MAP3K5: variants seen among roughly 807,000 people sequenced by gnomAD.
MAP3K5 encodes mitogen-activated protein kinase kinase kinase 5, also known as ASK-1.
A neutral mutation model predicts 158.7 loss-of-function variants in MAP3K5; 56 were observed. The ratio of observed to expected loss-of-function variants is 0.35; its 90% CI spans 0.28 to 0.44. The LOEUF (loss-of-function observed/expected upper bound fraction) is 0.44. MAP3K5 is among the 20% of genes least tolerant of loss of function. The pLI, the probability that MAP3K5 is intolerant of heterozygous loss-of-function variation, is 1.00. For synonymous variants in MAP3K5, 579 were observed against 601.7 expected, an observed-to-expected ratio of 0.96 and a Z score of 0.55; for missense variants, 1,294 against 1,674.8, an observed-to-expected ratio of 0.77 and a Z score of 3.97.
At chr6:136,605,410 A>G (rs774111020) in intron 18 of MAP3K5, 44 bp from the exon 19 acceptor site, 1 of 1,536,326 alleles carries the variant, frequency 6.5e-7, no homozygotes, top group Non-Finnish European at 8.8e-7. Context: ...AAGATAAAAC[A>G]GAAGGGTATC....
At chr6:136,756,518 G>A (rs551173418) in intron 1 of MAP3K5, among the ~76,000 whole-genome samples, 6 of 152,176 alleles carry the variant, frequency 3.9e-5, no homozygotes, top group South Asian at 4.1e-4. Flanking sequence ...GCGCAATCTC[G>A]GCTCACTGCA....
intron 18 of MAP3K5, among the ~76,000 whole-genome samples, chr6:136,607,517 T>G (rs1776153485): frequency 4.6e-5 from 7 of 152,230 alleles, no homozygotes; most frequent in Admixed American, 4.6e-4. Flanking sequence ...CGAAGCTGGA[T>G]AATGAAGATG....
Position 136,772,098 on chromosome 6 carries a change from TGG to T in MAP3K5, c.448+19610_448+19611del, listed in dbSNP as rs376876887. ...TAATTTTTGTATTTTTTAGTAGAAA[TGG>T]GGGGGGGGGGTTTACCATGTTGGCC... On this transcript the variant is annotated intron_variant, in intron 1 of 29. Coordinates refer to ENST00000359015, the MANE Select transcript of MAP3K5 (RefSeq NM_005923.4). 6.1e-3 allele frequency among the ~76,000 whole-genome samples: 609 copies of T among 100,142 alleles called. 13 individuals are homozygous for T. Among genetic ancestry groups the T allele is most frequent in the South Asian group, 0.057 (148 of 2,610 alleles). 65.7% of individuals were successfully genotyped at this position (100,142 alleles called of 152,430 possible). A position where few individuals can be genotyped will look rare whatever the true frequency, so the allele number is the denominator to read the frequency against.
chr6:136,566,224 A>T (rs1008438497), intron 26 of MAP3K5, among the ~76,000 whole-genome samples: 1 of 152,252 alleles, frequency 6.6e-6, no homozygotes, highest in Non-Finnish European at 1.5e-5. Flanking sequence ...TAGGAGAGGC[A>T]GGTCCTATTG....
At chr6:136,710,869 T>C (rs1182868808) in intron 2 of MAP3K5, among the ~76,000 whole-genome samples, 4 of 152,126 alleles carry the variant, frequency 2.6e-5, no homozygotes, top group African/African-American at 9.7e-5. Context: ...AAGTTTTCCA[T>C]TAAAGTTGGG....
intron 11 of MAP3K5, among the ~76,000 whole-genome samples, chr6:136,650,026 A>G (rs529338000): frequency 6.0e-4 from 92 of 152,240 alleles, no homozygotes; most frequent in African/African-American, 2.1e-3. Flanking sequence ...CCTTCTCACC[A>G]TTGAATATAC....
intron 1 of MAP3K5, among the ~76,000 whole-genome samples, chr6:136,734,871 C>T (rs1330227842): frequency 2.6e-5 from 4 of 152,210 alleles, no homozygotes; most frequent in African/African-American, 9.6e-5. Flanking sequence ...AACCAATAAT[C>T]TGCCTCATTT....
intron 13 of MAP3K5, 123 bp from the exon 14 acceptor site, chr6:136,637,529 A>G (rs1335334333): frequency 2.1e-5 from 14 of 662,532 alleles, no homozygotes; most frequent in Non-Finnish European, 3.3e-5. Flanking sequence ...ACCAGGCAAT[A>G]ACACACTATC....
intron 15 of MAP3K5, among the ~76,000 whole-genome samples, chr6:136,619,823 A>G (rs1209378030): frequency 2.0e-5 from 3 of 152,240 alleles, no homozygotes; most frequent in African/African-American, 7.2e-5. Context: ...TGATACAACA[A>G]ACAGTACGAC....
chr6:136,695,929 G>A, intron 6 of MAP3K5, 22 bp downstream of exon 6: 1 of 1,444,756 alleles, frequency 6.9e-7, no homozygotes, highest in Non-Finnish European at 9.7e-7. Context: ...ACGCATTCTG[G>A]AAGGGAACTT....
chr6:136,728,252 C>G (rs1034012068), intron 1 of MAP3K5, among the ~76,000 whole-genome samples: 3 of 152,106 alleles, frequency 2.0e-5, no homozygotes, highest in Non-Finnish European at 4.4e-5. Context: ...AATAAGGTAT[C>G]TGTTAGTTAA....
intron 1 of MAP3K5, among the ~76,000 whole-genome samples, chr6:136,762,063 C>G (rs554577857): frequency 6.6e-6 from 1 of 152,142 alleles, no homozygotes; most frequent in African/African-American, 2.4e-5. Flanking sequence ...AACTCTGCAG[C>G]CTTTTAAAAT....
chr6:136,716,596 G>A (rs1460946235), intron 2 of MAP3K5, among the ~76,000 whole-genome samples: 1 of 152,136 alleles, frequency 6.6e-6, no homozygotes, highest in African/African-American at 2.4e-5. Flanking sequence ...AGTCATCAGA[G>A]GTGTTTAATG....
intron 1 of MAP3K5, among the ~76,000 whole-genome samples, chr6:136,726,129 A>G (rs1257243748): frequency 6.6e-6 from 1 of 152,162 alleles, no homozygotes; most frequent in Admixed American, 6.5e-5. Context: ...CTGTTTTCAA[A>G]TTTGTTTTGG....
chr6:136,761,452 C>G (rs932514826), intron 1 of MAP3K5, among the ~76,000 whole-genome samples: 1 of 152,062 alleles, frequency 6.6e-6, no homozygotes, highest in Non-Finnish European at 1.5e-5. Context: ...CAGGATGCCA[C>G]GCAGCCTGGG....
At chr6:136,738,874 T>G (rs1446765532) in intron 1 of MAP3K5, among the ~76,000 whole-genome samples, 1 of 151,736 alleles carries the variant, frequency 6.6e-6, no homozygotes, top group Non-Finnish European at 1.5e-5. Context: ...AAATCCCTAC[T>G]AAGTGCCAAG....
intron 1 of MAP3K5, among the ~76,000 whole-genome samples, chr6:136,733,031 G>C (rs1418696893): frequency 1.3e-5 from 2 of 152,108 alleles, no homozygotes; most frequent in African/African-American, 2.4e-5. Flanking sequence ...ACAGGGTCTT[G>C]CTCTGTTACC....
At chr6:136,648,526 T>A (rs984971171) in intron 11 of MAP3K5, among the ~76,000 whole-genome samples, 1 of 152,218 alleles carries the variant, frequency 6.6e-6, no homozygotes, top group Non-Finnish European at 1.5e-5. Context: ...TTTTTCTCCA[T>A]GCTTATTATG....
At chr6:136,607,342 A>G (rs1323677079) in intron 18 of MAP3K5, among the ~76,000 whole-genome samples, 1 of 152,226 alleles carries the variant, frequency 6.6e-6, no homozygotes. Context: ...AATGTCAACA[A>G]CAAATTATGC....
Sources: allele counts gnomAD v4.1 joint callset (sites outside exome capture counted in the v4.1 genomes callset), GRCh38; gene constraint gnomAD v4.1.1; transcripts MANE v1.5; gene names NCBI Gene and HGNC (gene_info 2026-07-23, HGNC 2026-07-21).